The following STK10 variants were observed in gnomAD, a reference collection of about 807,000 sequenced individuals.
The protein encoded by STK10 is serine/threonine kinase 10.
In STK10, 78 loss-of-function variants were observed where a neutral mutation model predicts 113.8. That is an observed-to-expected ratio of 0.69 (90% confidence interval 0.57 to 0.83). STK10 has a LOEUF of 0.83. Among genes scored for constraint, STK10 ranks in the 40% least tolerant of loss-of-function variants. The pLI is 0.00. For missense variants in STK10, 1,109 were observed against 1,280.1 expected (o/e 0.87, Z 2.04); for synonymous variants, 465 against 494.7 (o/e 0.94, Z 0.80).
intron 1 of STK10, among the ~76,000 whole-genome samples, chr5:172,181,961 G>A (rs182772921): frequency 1.4e-3 from 219 of 152,074 alleles, no homozygotes; most frequent in Non-Finnish European, 2.1e-3. Flanking sequence ...CTTCTTAATT[G>A]CTGCTATTTG....
At chr5:172,129,025 C>T (rs1769689274) in intron 2 of STK10, among the ~76,000 whole-genome samples, 1 of 152,186 alleles carries the variant, frequency 6.6e-6, no homozygotes, top group African/African-American at 2.4e-5. Context: ...CGGCTGGGCT[C>T]ATGGCCCAGG....
chr5:172,151,591 A>G (rs1187702767), intron 2 of STK10, among the ~76,000 whole-genome samples: 1 of 151,956 alleles, frequency 6.6e-6, no homozygotes, highest in African/African-American at 2.4e-5. Flanking sequence ...TGATCCACCC[A>G]CCTCGGCCTC....
At position 172,068,028 on chromosome 5, in the gene STK10, C is replaced by T. The variant is rs117176159; in HGVS notation, c.1990-3216G>A. ...AGACACTAGGGAGGCCAAAAGCCAC[C>T]GGAGTATCATCCTTAAAGTGCTGAA... On this transcript the variant is annotated intron_variant, in intron 12 of 18. Transcript: ENST00000176763. Among the ~76,000 whole-genome samples, 204 of 152,282 alleles carry T rather than the reference C, an allele frequency of 1.3e-3. 6 individuals carry two copies. The East Asian group carries it at 0.018, about 13-fold the overall frequency.
Position 172,044,711 on chromosome 5 carries a change from G to C in STK10, c.*171C>G. On this transcript the variant is annotated 3_prime_UTR_variant, in exon 19 of 19. Coordinates refer to ENST00000176763, the MANE Select transcript of STK10 (RefSeq NM_005990.4). This position sits in a 1 kb window ranked among gnomAD's most constrained non-coding sequence, Gnocchi z 4.5. ...CCTCCACAGGCCAGCAAGAAGTCAG[G>C]AACGCTGGGGCAGGTCTATCAGGCA... The C allele has an allele frequency of 9.6e-7, 1 of 1,042,618 alleles. No individual in the cohort carries two copies. The highest frequency in any genetic ancestry group is 1.4e-6 in the Non-Finnish European group (1 of 709,178). The allele number at this position is 1,042,618 out of a possible 1,614,324, so 64.6% of individuals were successfully genotyped here.
chr5:172,092,669 T>C (rs940717298), intron 9 of STK10: 2 of 152,182 alleles, frequency 1.3e-5, no homozygotes, highest in Admixed American at 6.5e-5. Flanking sequence ...AAAAACAAAA[T>C]CATACAGTAT....
chr5:172,179,057 G>A (rs1321301459), intron 1 of STK10, among the ~76,000 whole-genome samples: 2 of 152,196 alleles, frequency 1.3e-5, no homozygotes, highest in South Asian at 2.1e-4. Context: ...TATCAACACC[G>A]AGGTATTCCT....
intron 2 of STK10, among the ~76,000 whole-genome samples, chr5:172,138,091 C>T (rs929149317): frequency 6.6e-6 from 1 of 152,012 alleles, no homozygotes; most frequent in Non-Finnish European, 1.5e-5. Flanking sequence ...AAATAAAAGA[C>T]ATCTAAATTG....
chr5:172,089,276 C>G (rs1340402328), intron 10 of STK10, among the ~76,000 whole-genome samples: 3 of 152,218 alleles, frequency 2.0e-5, no homozygotes, highest in African/African-American at 7.2e-5. Flanking sequence ...GCATGTACCA[C>G]AATCAGGGAT....
At chr5:172,136,490 G>A (rs569616395) in intron 2 of STK10, among the ~76,000 whole-genome samples, 3 of 152,256 alleles carry the variant, frequency 2.0e-5, no homozygotes, top group South Asian at 2.1e-4. Context: ...CCAGCTACTC[G>A]GGAGGCTGAG....
At chr5:172,141,668 G>C (rs1180731198) in intron 2 of STK10, among the ~76,000 whole-genome samples, 1 of 152,108 alleles carries the variant, frequency 6.6e-6, no homozygotes, top group Non-Finnish European at 1.5e-5. Context: ...TGGTAAGGGA[G>C]GTGCCTGCTC....
chr5:172,072,280 T>TTC (rs60524644), intron 12 of STK10, among the ~76,000 whole-genome samples: 31,983 of 151,852 alleles, frequency 0.21, 4,398 homozygotes, highest in African/African-American at 0.38. Context: ...TTTTCTTTTT[T>TTC]TTTTGAGATG....
intron 8 of STK10, among the ~76,000 whole-genome samples, chr5:172,095,863 G>A (rs749980341): frequency 1.3e-5 from 2 of 152,228 alleles, no homozygotes; most frequent in African/African-American, 2.4e-5. Context: ...GCAACAGCTT[G>A]GGCCAGAATC....
intron 1 of STK10, among the ~76,000 whole-genome samples, chr5:172,174,171 GTTGT>G (rs1006534929): frequency 1.3e-5 from 2 of 151,986 alleles, no homozygotes; most frequent in Non-Finnish European, 2.9e-5. Flanking sequence ...TGTTGTTGTT[GTTGT>G]TTAATTTTTT....
intron 3 of STK10, among the ~76,000 whole-genome samples, chr5:172,122,466 A>T (rs1054232983): frequency 6.6e-6 from 1 of 152,214 alleles, no homozygotes; most frequent in Non-Finnish European, 1.5e-5. Context: ...TGAGTCCAAT[A>T]CATTTTTAGA....
intron 7 of STK10, among the ~76,000 whole-genome samples, chr5:172,104,062 C>T (rs1223645317): frequency 6.6e-6 from 1 of 152,238 alleles, no homozygotes; most frequent in Admixed American, 6.5e-5. Flanking sequence ...ATGCCGACCA[C>T]AGGCCCAGTG....
rs1367555309 is a variant in STK10, at chr5:172,159,213, C to T, written c.157-2425G>A. On this transcript the variant is annotated intron_variant, in intron 1 of 18. Transcript: ENST00000176763. The stretch of plus-strand genomic sequence containing the variant: ...GTGGGGAATGCTGCAGCAAACATCT[C>T]ACCCACCCTGCTGCATGGGGTTCCA... Among the ~76,000 whole-genome samples the T allele has an allele frequency of 3.3e-5, 5 of 152,336 alleles. No individual in the cohort carries two copies. The South Asian group carries it at 6.2e-4, about 19-fold the overall frequency.
chr5:172,159,700 G>A (rs1348510078), intron 1 of STK10, among the ~76,000 whole-genome samples: 1 of 152,132 alleles, frequency 6.6e-6, no homozygotes, highest in Non-Finnish European at 1.5e-5. Context: ...GTAAGCACCT[G>A]TAATCCCAGC....
chr5:172,063,005 G>A (rs530369893), intron 13 of STK10, among the ~76,000 whole-genome samples: 25 of 152,162 alleles, frequency 1.6e-4, no homozygotes, highest in African/African-American at 5.5e-4. Context: ...ATCCCAGCAC[G>A]TTGGGAGACT....
At chr5:172,105,214 C>T (rs1286157272) in intron 7 of STK10, among the ~76,000 whole-genome samples, 4 of 141,224 alleles carry the variant, frequency 2.8e-5, no homozygotes, top group Admixed American at 7.5e-5. Flanking sequence ...GAACATGCTG[C>T]TGTCCCAGGC....
Sources: gnomAD v4.1 joint callset for allele counts (sites outside exome capture counted in the v4.1 genomes callset) on GRCh38, gnomAD v4.1.1 for gene constraint, Gnocchi (gnomAD v3.1) non-coding constraint, MANE v1.5 for transcripts, NCBI Gene and HGNC (gene_info 2026-07-23, HGNC 2026-07-21) for gene names.